Variants in SLC26A4 observed in about 807,000 individuals in gnomAD.
The protein encoded by SLC26A4 is solute carrier family 26 member 4.
A neutral mutation model predicts 90.4 loss-of-function variants in SLC26A4; 93 were observed. The observed-to-expected ratio is 1.03, with a 90% CI of 0.87 to 1.22. The LOEUF (loss-of-function observed/expected upper bound fraction) is 1.22, where lower values mean the gene tolerates loss of function less well. Among genes scored for constraint, SLC26A4 ranks in the 50% most tolerant of loss-of-function variants. The pLI is 0.00. For synonymous variants in SLC26A4, 393 were observed against 354.6 expected (o/e 1.11, Z -1.22); for missense variants, 1,127 against 946.2 (o/e 1.19, Z -2.51).
chr7:107,667,460 TTAAAAAAAAAAA>T (rs1250518300), intron 3 of SLC26A4, among the ~76,000 whole-genome samples: 3 of 26,426 alleles, frequency 1.1e-4, no homozygotes, highest in South Asian at 1.7e-3. Context: ...GAGAGAAGGT[TTAAAAAAAAAAA>T]AAAAAAAAAA....
intron 13 of SLC26A4, among the ~76,000 whole-genome samples, chr7:107,696,333 T>C (rs531906848): frequency 6.6e-6 from 1 of 152,322 alleles, no homozygotes; most frequent in East Asian, 1.9e-4. Flanking sequence ...TTTGAACCTA[T>C]GTACCTACTC....
At chr7:107,685,085 G>A (rs563952670) in intron 8 of SLC26A4, among the ~76,000 whole-genome samples, 3 of 152,100 alleles carry the variant, frequency 2.0e-5, no homozygotes, top group Non-Finnish European at 2.9e-5. Flanking sequence ...GGTCAGCTTG[G>A]TCAGCTAATT....
chr7:107,663,532 CA>C, intron 3 of SLC26A4, 97 bp downstream of exon 3: 2 of 1,344,924 alleles, frequency 1.5e-6, no homozygotes, highest in Non-Finnish European at 1.1e-6. Context: ...GCTTACCCTT[CA>C]AGGCCTGTAT....
At chr7:107,706,421 T>C (rs949986774) in intron 18 of SLC26A4, among the ~76,000 whole-genome samples, 6 of 152,236 alleles carry the variant, frequency 3.9e-5, no homozygotes, top group African/African-American at 1.4e-4. Context: ...GAATAGCCAC[T>C]GCACTATAGC....
rs199686880 is a variant in SLC26A4 at position 107,661,707 on chromosome 7, G to T, written c.66G>T (p.Val22=). The T allele has an allele frequency of 2.6e-6, 4 of 1,567,774 alleles. No homozygotes were observed. Among genetic ancestry groups the T allele is most frequent in the African/African-American group, 1.3e-5 (1 of 74,252 alleles). ...QLPEYSCSYM[V]SRPVYSELAF... The stretch of plus-strand genomic sequence containing the variant: ...CCGAGTACAGCTGCAGCTACATGGT[G>T]TCGCGGCCGGTCTACAGCGAGCTCG... The change falls in exon 2 of 21, where the codon GTG becomes GTT. Residue 22 remains valine, a synonymous_variant. Coordinates refer to ENST00000644269, the MANE Select transcript of SLC26A4 (RefSeq NM_000441.2). The surrounding 1 kb of genome is among the most constrained non-coding windows in gnomAD (Gnocchi z 5.1).
Position 107,689,153 on chromosome 7 carries a change from G to A in SLC26A4, c.1102G>A (p.Gly368Arg). 1 of 1,613,814 alleles carries A rather than the reference G, an allele frequency of 6.2e-7. No homozygotes were observed. Among genetic ancestry groups the A allele is most frequent in the Non-Finnish European group, 8.5e-7 (1 of 1,179,824 alleles). ...GGCTTATGCTATTGCAGTGTCAGTA[G>A]GAAAAGTATATGCCACCAAGTATGA... ...VVAYAIAVSV[G>R]KVYATKYDYT... The change falls in exon 9 of 21, where the codon GGA becomes AGA. Residue 368 changes from glycine to arginine, a missense_variant. Gly to Arg is a moderately radical substitution (Grantham distance 125). Transcript: ENST00000644269.
chr7:107,677,219 A>C (rs960952909), intron 6 of SLC26A4, among the ~76,000 whole-genome samples: 1 of 151,972 alleles, frequency 6.6e-6, no homozygotes, highest in Admixed American at 6.6e-5. Context: ...ACCAAAAACA[A>C]ACAAAAAAGA....
At chr7:107,677,218 A>C (rs573183546) in intron 6 of SLC26A4, among the ~76,000 whole-genome samples, 3 of 152,032 alleles carry the variant, frequency 2.0e-5, no homozygotes, top group Non-Finnish European at 2.9e-5. Flanking sequence ...AACCAAAAAC[A>C]AACAAAAAAG....
intron 6 of SLC26A4, among the ~76,000 whole-genome samples, chr7:107,682,132 T>TAAAAAAAAA (rs1562828616): frequency 6.5e-5 from 7 of 107,348 alleles, no homozygotes; most frequent in African/African-American, 2.1e-4. Context: ...AAAAAAAAAT[T>TAAAAAAAAA]TTTTTTATGT....
At chr7:107,685,488 T>C (rs1185017492) in intron 8 of SLC26A4, among the ~76,000 whole-genome samples, 4 of 152,142 alleles carry the variant, frequency 2.6e-5, no homozygotes, top group African/African-American at 7.2e-5. Context: ...CTGCTCGTAG[T>C]TCCCTTTATC....
intron 3 of SLC26A4, among the ~76,000 whole-genome samples, chr7:107,670,232 C>T (rs766293051): frequency 2.4e-4 from 36 of 151,918 alleles, no homozygotes; most frequent in Admixed American, 1.3e-4. Flanking sequence ...CCTCAGCCTC[C>T]TGAGTAGCTG....
chr7:107,696,649 GA>G (rs1318806140), intron 13 of SLC26A4, among the ~76,000 whole-genome samples: 1 of 152,168 alleles, frequency 6.6e-6, no homozygotes, highest in East Asian at 1.9e-4. Flanking sequence ...ACAATTATGT[GA>G]AGGAAACAAT....
intron 6 of SLC26A4, among the ~76,000 whole-genome samples, chr7:107,680,313 A>C (rs1320343047): frequency 1.1e-3 from 153 of 135,594 alleles, no homozygotes; most frequent in African/African-American, 4.0e-3. Flanking sequence ...ATAATCTTAT[A>C]TTATTATATA....
intron 20 of SLC26A4, among the ~76,000 whole-genome samples, chr7:107,713,821 C>T (rs749016036): frequency 2.0e-5 from 3 of 152,074 alleles, no homozygotes; most frequent in Non-Finnish European, 2.9e-5. Context: ...TTTAATTGAG[C>T]TTTGACCCTA....
chr7:107,698,042 T>TC lies in SLC26A4; in HGVS notation c.1547dup (p.Ser517PhefsTer10), dbSNP rs786204450. 4.4e-6 allele frequency: 7 copies of TC among 1,602,120 alleles called. No homozygotes were observed. In the East Asian group the frequency reaches 1.3e-4, roughly 31 times the overall value. ...TTGACCTTGATATTTTTTCTTCTAG[T>TC]CCTTCTTGGAATGGCCTTGGAAGCA... On this transcript the variant is annotated frameshift_variant and splice_region_variant, in exon 14 of 21. Coordinates refer to ENST00000644269, the MANE Select transcript of SLC26A4 (RefSeq NM_000441.2). LOFTEE classifies it high-confidence loss of function.
intron 18 of SLC26A4, among the ~76,000 whole-genome samples, chr7:107,707,665 T>A (rs1467151453): frequency 6.6e-6 from 1 of 152,232 alleles, no homozygotes; most frequent in Admixed American, 6.5e-5. Flanking sequence ...GAATGTTATA[T>A]AATTTTGGAA....
At chr7:107,668,486 C>T (rs965004516) in intron 3 of SLC26A4, among the ~76,000 whole-genome samples, 5 of 152,082 alleles carry the variant, frequency 3.3e-5, no homozygotes, top group Admixed American at 6.6e-5. Context: ...ATGACAATGT[C>T]CATGCCACAA....
chr7:107,664,648 AT>A (rs1407154632), intron 3 of SLC26A4, among the ~76,000 whole-genome samples: 1 of 152,188 alleles, frequency 6.6e-6, no homozygotes, highest in Non-Finnish European at 1.5e-5. Context: ...TTTTAAAAAA[AT>A]TCATCCTCTT....
At chr7:107,712,301 G>A (rs566006405) in intron 19 of SLC26A4, among the ~76,000 whole-genome samples, 2 of 152,306 alleles carry the variant, frequency 1.3e-5, no homozygotes, top group Admixed American at 1.3e-4. Flanking sequence ...AGAGGTTGGG[G>A]AAGAGAGCTG....
Sources: allele counts gnomAD v4.1 joint callset (sites outside exome capture counted in the v4.1 genomes callset), GRCh38; gene constraint gnomAD v4.1.1; non-coding constraint Gnocchi (gnomAD v3.1); transcripts MANE v1.5; gene names NCBI Gene and HGNC (gene_info 2026-07-23, HGNC 2026-07-21).